ADAMTS2: variants seen among roughly 807,000 people sequenced by gnomAD.
The protein encoded by ADAMTS2 is ADAM metallopeptidase with thrombospondin type 1 motif 2.
In ADAMTS2, 50 loss-of-function variants were observed where a neutral mutation model predicts 123.0. The ratio of observed to expected loss-of-function variants is 0.41; its 90% CI spans 0.32 to 0.51. ADAMTS2 has a LOEUF of 0.51. Ranked by LOEUF, ADAMTS2 falls within the 20% of genes least tolerant of loss-of-function variation. ADAMTS2 has a pLI of 0.35. For missense variants in ADAMTS2, 1,494 were observed against 1,705.2 expected (o/e 0.88, Z 2.18); for synonymous variants, 678 against 695.4 (o/e 0.98, Z 0.39).
At chr5:179,343,739 G>C (rs369853596) in intron 2 of ADAMTS2, 28 bp downstream of exon 2, 4 of 1,604,076 alleles carry the variant, frequency 2.5e-6, no homozygotes, top group Non-Finnish European at 3.4e-6. Context: ...GCAGCGGAGA[G>C]AAAGGAGCTA....
chr5:179,280,404 C>T (rs1391058165), intron 2 of ADAMTS2, among the ~76,000 whole-genome samples: 1 of 152,200 alleles, frequency 6.6e-6, no homozygotes, highest in Non-Finnish European at 1.5e-5. Flanking sequence ...CCCCCAGTTC[C>T]CTCATCTGCA....
chr5:179,176,174 G>T (rs547255112), intron 5 of ADAMTS2, among the ~76,000 whole-genome samples: 8 of 152,230 alleles, frequency 5.3e-5, no homozygotes, highest in Admixed American at 4.6e-4. Context: ...TACAATCTTG[G>T]TTGTCCTGTT....
rs891661885 is a variant in ADAMTS2, at chr5:179,228,538, G to C, written c.689-20823C>G. ...TGGGTGTGAAGCGGAAGGAGACTCT[G>C]CAGCAAGGCCCAGCTCTTATGCCGG... On this transcript the variant is annotated intron_variant, in intron 3 of 21. Coordinates refer to ENST00000251582, the MANE Select transcript of ADAMTS2 (RefSeq NM_014244.5). This position sits in a 1 kb window ranked among gnomAD's most constrained non-coding sequence, Gnocchi z 5.2. Among the ~76,000 whole-genome samples the C allele has an allele frequency of 2.0e-5, 3 of 152,252 alleles. No homozygotes were observed. Among genetic ancestry groups the C allele is most frequent in the Non-Finnish European group, 4.4e-5 (3 of 68,044 alleles).
At chr5:179,161,679 T>A (rs1222942630) in intron 5 of ADAMTS2, among the ~76,000 whole-genome samples, 1 of 151,932 alleles carries the variant, frequency 6.6e-6, no homozygotes, top group Non-Finnish European at 1.5e-5. Flanking sequence ...GCTAGAAGAG[T>A]GGACTTTGAA....
At chr5:179,326,412 C>T (rs1213113150) in intron 2 of ADAMTS2, among the ~76,000 whole-genome samples, 1 of 152,104 alleles carries the variant, frequency 6.6e-6, no homozygotes, top group Admixed American at 6.5e-5. Flanking sequence ...ACGGCCTCCA[C>T]TGGCAACACA....
intron 2 of ADAMTS2, among the ~76,000 whole-genome samples, chr5:179,310,394 G>A (rs904238460): frequency 6.6e-6 from 1 of 152,208 alleles, no homozygotes; most frequent in Admixed American, 6.5e-5. Flanking sequence ...AAGCCTTTCC[G>A]AAGCCCCCCC....
intron 11 of ADAMTS2, 111 bp from the exon 12 acceptor site, chr5:179,138,055 G>A: frequency 9.6e-6 from 12 of 1,251,466 alleles, no homozygotes; most frequent in Non-Finnish European, 1.2e-5. Context: ...GGTGTCCGGG[G>A]GGCAGCTCTG....
chr5:179,190,772 A>G (rs1440947091), intron 4 of ADAMTS2, among the ~76,000 whole-genome samples: 3 of 152,266 alleles, frequency 2.0e-5, no homozygotes, highest in Admixed American at 1.3e-4. Flanking sequence ...CCAACAGCCC[A>G]AGCTGTTTCC....
intron 4 of ADAMTS2, among the ~76,000 whole-genome samples, chr5:179,183,081 G>T (rs1376529479): frequency 6.6e-6 from 1 of 152,208 alleles, no homozygotes; most frequent in Non-Finnish European, 1.5e-5. Flanking sequence ...GTTTTTCATT[G>T]CTGGTAAACC....
intron 5 of ADAMTS2, among the ~76,000 whole-genome samples, chr5:179,171,156 T>C (rs1763807405): frequency 6.6e-6 from 1 of 152,206 alleles, no homozygotes; most frequent in African/African-American, 2.4e-5. Flanking sequence ...GGTACGGAAG[T>C]ATTGGTCTGT....
In ADAMTS2 at chr5:179,188,048, G is replaced by A. The variant is rs1019528331; in HGVS notation, c.892-6893C>T. ...CAAGGTGGGGGAGGGGTGCAGAAAG[G>A]GGGGAACCGGTGCAGGCTCCCTACT... is the stretch of plus-strand genomic sequence containing the variant. On this transcript the variant is annotated intron_variant, in intron 4 of 21. Coordinates refer to ENST00000251582, the MANE Select transcript of ADAMTS2 (RefSeq NM_014244.5). The surrounding 1 kb of genome is among the most constrained non-coding windows in gnomAD (Gnocchi z 5.1). 6.6e-6 allele frequency among the ~76,000 whole-genome samples: 1 copy of A among 152,028 alleles called. No homozygotes were observed. The highest frequency in any genetic ancestry group is 1.5e-5 in the Non-Finnish European group (1 of 67,988).
intron 2 of ADAMTS2, among the ~76,000 whole-genome samples, chr5:179,283,549 C>CAAAAAAAAAAAAAAAAAAAAAAAAAA (rs3986816): frequency 1.9e-5 from 1 of 51,344 alleles, no homozygotes; most frequent in Non-Finnish European, 3.4e-5. Flanking sequence ...AGAAAAACAG[C>CAAAAAAAAAAAAAAAAAAAAAAAAAA]AAAAAAAAAA....
intron 5 of ADAMTS2, among the ~76,000 whole-genome samples, chr5:179,161,196 A>G (rs926043603): frequency 6.6e-6 from 1 of 152,188 alleles, no homozygotes; most frequent in Admixed American, 6.5e-5. Flanking sequence ...GCCAGGTAGT[A>G]TCCGCCTCTG....
intron 3 of ADAMTS2, among the ~76,000 whole-genome samples, chr5:179,244,455 A>G (rs59159987): frequency 0.049 from 7,459 of 152,278 alleles, 599 homozygotes; most frequent in African/African-American, 0.17. Context: ...GTCCCAGATA[A>G]GTAAAAACAG....
chr5:179,324,448 T>G (rs1403389279), intron 2 of ADAMTS2, among the ~76,000 whole-genome samples: 1 of 149,440 alleles, frequency 6.7e-6, no homozygotes, highest in Non-Finnish European at 1.5e-5. Flanking sequence ...TGGAGTGCAG[T>G]GGTGCGATCT....
intron 3 of ADAMTS2, among the ~76,000 whole-genome samples, chr5:179,216,925 C>T (rs1419957325): frequency 1.3e-5 from 2 of 152,208 alleles, no homozygotes; most frequent in African/African-American, 4.8e-5. Context: ...GGAAGAGCAC[C>T]ATGCGGCTCA....
intron 2 of ADAMTS2, among the ~76,000 whole-genome samples, chr5:179,301,097 C>T (rs1365240775): frequency 1.3e-5 from 2 of 151,696 alleles, no homozygotes; most frequent in African/African-American, 2.4e-5. Flanking sequence ...CTGCAAGAAC[C>T]GCCTACTGTG....
At chr5:179,148,173 C>T (rs1247027580) in intron 10 of ADAMTS2, among the ~76,000 whole-genome samples, 2 of 152,070 alleles carry the variant, frequency 1.3e-5, no homozygotes, top group Non-Finnish European at 2.9e-5. Context: ...AGCACTGCAG[C>T]GCTGGCGGCT....
rs559842896 is a variant in ADAMTS2, at chr5:179,336,649, C to G, written c.534+7118G>C. Among the ~76,000 whole-genome samples, 3 of 152,346 alleles carry G rather than the reference C, an allele frequency of 2.0e-5. No homozygotes were observed. The East Asian group carries it at 5.8e-4, about 29-fold the overall frequency. ...AGCTAATGATATGCAGACACGGCCACCGCTTTCTCACCCCCGGGCCTGGGG... is the reference window on the plus strand; with the variant it reads ...AGCTAATGATATGCAGACACGGCCAGCGCTTTCTCACCCCCGGGCCTGGGG... On this transcript the variant is annotated intron_variant, in intron 2 of 21. Coordinates refer to ENST00000251582, the MANE Select transcript of ADAMTS2 (RefSeq NM_014244.5).
Sources: gnomAD v4.1 joint callset for allele counts (sites outside exome capture counted in the v4.1 genomes callset) on GRCh38, gnomAD v4.1.1 for gene constraint, Gnocchi (gnomAD v3.1) non-coding constraint, MANE v1.5 for transcripts, NCBI Gene and HGNC (gene_info 2026-07-23, HGNC 2026-07-21) for gene names.